Variants in USP20 observed in about 807,000 individuals in gnomAD.
USP20 encodes ubiquitin carboxyl-terminal hydrolase 20.
Under a neutral mutation model 124.2 loss-of-function variants are expected in USP20, and 80 were observed. The ratio of observed to expected loss-of-function variants is 0.64; its 90% CI spans 0.54 to 0.78. The LOEUF (loss-of-function observed/expected upper bound fraction) is 0.78. Among genes scored for constraint, USP20 ranks in the 30% least tolerant of loss-of-function variants. USP20 has a pLI of 0.00. For missense variants in USP20, 1,043 were observed against 1,244.4 expected (o/e 0.84, Z 2.44); for synonymous variants, 481 against 512.3 (o/e 0.94, Z 0.83).
At chr9:129,869,625 C>A (rs373322859) in intron 13 of USP20, 47 bp from the exon 14 acceptor site, 3 of 1,606,244 alleles carry the variant, frequency 1.9e-6, no homozygotes, top group African/African-American at 2.7e-5. Flanking sequence ...GTTTGGGGTG[C>A]AGACATTGCC....
In USP20 at chr9:129,839,031, G is replaced by A. The variant is rs2032040140; in HGVS notation, c.-129+3532G>A. ...TTGTGAGGAAGCTTCCTTGGAGTACGCGTGTTTGGATTTGGGGAGGTGAAG... is the reference window on the plus strand; with the variant it reads ...TTGTGAGGAAGCTTCCTTGGAGTACACGTGTTTGGATTTGGGGAGGTGAAG... On this transcript the variant is annotated intron_variant, in intron 1 of 25. Coordinates refer to ENST00000372429, the MANE Select transcript of USP20 (RefSeq NM_001110303.4). The surrounding 1 kb of genome is among the most constrained non-coding windows in gnomAD (Gnocchi z 4.5). Among the ~76,000 whole-genome samples, 4 of 152,282 alleles carry A rather than the reference G, an allele frequency of 2.6e-5. No individual in the cohort carries two copies. The highest frequency in any genetic ancestry group is 4.8e-5 in the African/African-American group (2 of 41,564).
chr9:129,841,298 G>A lies in USP20; in HGVS notation c.-129+5799G>A, dbSNP rs149000754. Reference sequence around the variant, plus strand: ...CTGGCTTGGTCTTTCCTCTGTGTGAGTCCGGATTTTCTCATCTCATAAAGA... The same window carrying A: ...CTGGCTTGGTCTTTCCTCTGTGTGAATCCGGATTTTCTCATCTCATAAAGA... On this transcript the variant is annotated intron_variant, in intron 1 of 25. Coordinates refer to ENST00000372429, the MANE Select transcript of USP20 (RefSeq NM_001110303.4). Among the ~76,000 whole-genome samples the A allele has an allele frequency of 2.0e-5, 3 of 152,286 alleles. No homozygotes were observed. In the East Asian group the frequency reaches 5.8e-4, roughly 29 times the overall value.
intron 10 of USP20, among the ~76,000 whole-genome samples, chr9:129,867,561 C>T (rs1007206420): frequency 1.3e-5 from 2 of 152,014 alleles, no homozygotes; most frequent in South Asian, 4.1e-4. Context: ...TCGGGTGAGT[C>T]CTCTTTTGGC....
chr9:129,843,152 G>A (rs1030936621), intron 1 of USP20, among the ~76,000 whole-genome samples: 5 of 149,026 alleles, frequency 3.4e-5, no homozygotes, highest in African/African-American at 1.0e-4. Context: ...GATGTAGGCC[G>A]GGCATGGTGG....
At chr9:129,878,467 AC>A in intron 23 of USP20, 27 bp downstream of exon 23, 1 of 1,563,184 alleles carries the variant, frequency 6.4e-7, no homozygotes, top group African/African-American at 1.3e-5. Context: ...CCTGGCACTT[AC>A]CTGCCCTGGG....
chr9:129,878,524 G>C (rs2034504680), intron 23 of USP20, 84 bp downstream of exon 23: 1 of 1,283,616 alleles, frequency 7.8e-7, no homozygotes, highest in South Asian at 1.5e-5. Context: ...CTGGCACACA[G>C]GGGCTCCTGC....
chr9:129,869,220 C>T (rs1564215105), intron 12 of USP20, 90 bp from the exon 13 acceptor site: 6 of 1,384,346 alleles, frequency 4.3e-6, no homozygotes, highest in Non-Finnish European at 6.1e-6. Flanking sequence ...ACGGATGTCA[C>T]TCCACATCCT....
chr9:129,866,228 C>CTTT, intron 10 of USP20, among the ~76,000 whole-genome samples: 1 of 151,716 alleles, frequency 6.6e-6, no homozygotes, highest in East Asian at 1.9e-4. Flanking sequence ...CTTCCGCCCT[C>CTTT]TACCCCCTGC....
intron 1 of USP20, among the ~76,000 whole-genome samples, chr9:129,845,334 A>G (rs796913535): frequency 2.6e-5 from 4 of 152,278 alleles, no homozygotes; most frequent in African/African-American, 9.6e-5. Flanking sequence ...CTAGGAAGCC[A>G]GATGCACACT....
intron 1 of USP20, among the ~76,000 whole-genome samples, chr9:129,840,745 C>T (rs1246343126): frequency 6.7e-5 from 10 of 149,780 alleles, no homozygotes; most frequent in Admixed American, 3.4e-4. Flanking sequence ...ATAACCAAAG[C>T]GTGAGTTCCA....
In USP20 at chr9:129,868,147, C is replaced by T. The variant is rs1283778601; in HGVS notation, c.833C>T (p.Pro278Leu). ...TDEKREGDRS[P>L]SEDEFLSCDS... The stretch of plus-strand genomic sequence containing the variant: ...GAGAAACGGGAGGGTGACCGGAGCC[C>T]ATCAGAAGATGAGTTCTTGTCCTGT... The change falls in exon 11 of 26, where the codon CCA becomes CTA. Residue 278 changes from proline to leucine, a missense_variant. Physicochemically the swap from Pro to Leu is moderately conservative, Grantham distance 98. Coordinates refer to ENST00000372429, the MANE Select transcript of USP20 (RefSeq NM_001110303.4). 1.9e-6 allele frequency: 3 copies of T among 1,614,118 alleles called. No homozygotes were observed. Among genetic ancestry groups the T allele is most frequent in the Non-Finnish European group, 2.5e-6 (3 of 1,179,998 alleles).
At chr9:129,869,212 G>T in intron 12 of USP20, 98 bp from the exon 13 acceptor site, 1 of 1,364,114 alleles carries the variant, frequency 7.3e-7, no homozygotes, top group Non-Finnish European at 1.0e-6. Context: ...TGTGACTCAC[G>T]GATGTCACTC....
At chr9:129,868,768 G>A (rs550653352) in intron 11 of USP20, 94 bp from the exon 12 acceptor site, 79 of 1,487,334 alleles carry the variant, frequency 5.3e-5, no homozygotes, top group Middle Eastern at 2.5e-4. Context: ...TCAGGCTTTC[G>A]TCCCTTTAGG....
In USP20 at chr9:129,865,386, G is replaced by C; in HGVS notation, c.690+5G>C. On this transcript the variant is annotated splice_donor_5th_base_variant and intron_variant, in intron 10 of 25. Coordinates refer to ENST00000372429, the MANE Select transcript of USP20 (RefSeq NM_001110303.4). The stretch of plus-strand genomic sequence containing the variant: ...TTCCGAGGCTATGCCCAGCAGGTAA[G>C]CCATCTGAGCTGCCCAGGGGACACC... 1.2e-6 allele frequency: 2 copies of C among 1,614,120 alleles called. No homozygotes were observed. The highest frequency in any genetic ancestry group is 1.7e-6 in the Non-Finnish European group (2 of 1,179,964).
At position 129,860,926 on chromosome 9, in the gene USP20, CT is replaced by C; in HGVS notation, c.331-8del. ...GTTCACTGTTTTCCTCACTTTGGGT[CT>C]TTAACACAGGACTCCCCGCCACCCT... is the stretch of plus-strand genomic sequence containing the variant. On this transcript the variant is annotated splice_polypyrimidine_tract_variant and intron_variant, in intron 6 of 25. Coordinates refer to ENST00000372429, the MANE Select transcript of USP20 (RefSeq NM_001110303.4). 6.2e-7 allele frequency: 1 copy of C among 1,613,750 alleles called. No homozygotes were observed. Among genetic ancestry groups the C allele is most frequent in the Non-Finnish European group, 8.5e-7 (1 of 1,179,640 alleles).
intron 10 of USP20, among the ~76,000 whole-genome samples, chr9:129,866,605 G>A (rs1043583611): frequency 3.9e-5 from 6 of 152,192 alleles, no homozygotes; most frequent in Admixed American, 1.3e-4. Context: ...ATGCCGTTAC[G>A]GAGGGCCATG....
At chr9:129,840,356 C>T (rs1041843014) in intron 1 of USP20, among the ~76,000 whole-genome samples, 3 of 152,150 alleles carry the variant, frequency 2.0e-5, no homozygotes, top group Non-Finnish European at 2.9e-5. Context: ...GAGAAACAGC[C>T]GCCCTTGCCC....
chr9:129,873,856 G>A, intron 17 of USP20, 112 bp downstream of exon 17: 1 of 1,320,418 alleles, frequency 7.6e-7, no homozygotes, highest in South Asian at 1.3e-5. Context: ...GTGCTGCAGG[G>A]GCCGTGGAGA....
intron 15 of USP20, 73 bp downstream of exon 15, chr9:129,870,620 C>A (rs905987903): frequency 1.3e-6 from 2 of 1,517,902 alleles, no homozygotes; most frequent in Non-Finnish European, 1.8e-6. Context: ...CCCCAGCAGG[C>A]CAGCATGCAG....
Sources: allele counts gnomAD v4.1 joint callset (sites outside exome capture counted in the v4.1 genomes callset), GRCh38; gene constraint gnomAD v4.1.1; non-coding constraint Gnocchi (gnomAD v3.1); transcripts MANE v1.5; gene names NCBI Gene and HGNC (gene_info 2026-07-23, HGNC 2026-07-21).